Variants in UBE2D4 observed in about 807,000 individuals in gnomAD.
UBE2D4 encodes ubiquitin-conjugating enzyme E2 D4.
Under a neutral mutation model 23.0 loss-of-function variants are expected in UBE2D4, and 17 were observed. That is an observed-to-expected ratio of 0.74 (90% CI 0.51 to 1.11). The LOEUF is 1.11. UBE2D4 is among the 50% of genes least tolerant of loss of function. UBE2D4 has a pLI of 0.00. For synonymous variants in UBE2D4, 61 were observed against 69.4 expected (o/e 0.88, Z 0.60); for missense variants, 139 against 181.8 (o/e 0.76, Z 1.35).
chr7:43,945,776 C>CTTTTTT (rs11339851), intron 4 of UBE2D4, among the ~76,000 whole-genome samples: 11 of 84,194 alleles, frequency 1.3e-4, no homozygotes, highest in East Asian at 7.5e-4. Context: ...GGCAAAATCC[C>CTTTTTT]TTTTTTTTTT....
chr7:43,950,748 C>T, intron 6 of UBE2D4, 56 bp downstream of exon 6: 1 of 1,393,306 alleles, frequency 7.2e-7, no homozygotes. Flanking sequence ...CAGCTCCATG[C>T]AGTACCTGTG....
At chr7:43,948,161 T>C (rs2095992661) in intron 4 of UBE2D4, among the ~76,000 whole-genome samples, 1 of 152,222 alleles carries the variant, frequency 6.6e-6, no homozygotes, top group Admixed American at 6.5e-5. Context: ...ACTCTGATGA[T>C]AGTTTCTTTT....
At position 43,950,661 on chromosome 7, in the gene UBE2D4, A is replaced by G. The variant is rs774721530; in HGVS notation, c.367A>G (p.Ile123Val). Reference sequence around the variant, plus strand: ...CCCCGATGACCCCCTGGTGCCAGAGATAGCACACACCTACAAGGCCGACAG... The same window carrying G: ...CCCCGATGACCCCCTGGTGCCAGAGGTAGCACACACCTACAAGGCCGACAG... ...PNPDDPLVPE[I>V]AHTYKADREK... Residue 123 changes from isoleucine to valine, a missense_variant, in exon 6 of 7, where the codon ATA (isoleucine) becomes GTA (valine). Coordinates refer to ENST00000222402, the MANE Select transcript of UBE2D4 (RefSeq NM_015983.4). 30 of 1,614,046 alleles carry G rather than the reference A, an allele frequency of 1.9e-5. No homozygotes were observed. In the Middle Eastern group the frequency reaches 4.9e-4, roughly 27 times the overall value.
chr7:43,939,456 T>C (rs1210336616), intron 2 of UBE2D4, among the ~76,000 whole-genome samples: 1 of 152,244 alleles, frequency 6.6e-6, no homozygotes, highest in Non-Finnish European at 1.5e-5. Flanking sequence ...TGCCTCCACT[T>C]TGTGGGCTTC....
intron 1 of UBE2D4, among the ~76,000 whole-genome samples, chr7:43,927,582 A>C (rs561752888): frequency 6.6e-6 from 1 of 152,294 alleles, no homozygotes; most frequent in Admixed American, 6.5e-5. Flanking sequence ...CGGGATTACA[A>C]CGTGAGACAC....
At chr7:43,939,857 G>A (rs1329234586) in intron 2 of UBE2D4, among the ~76,000 whole-genome samples, 3 of 152,140 alleles carry the variant, frequency 2.0e-5, no homozygotes, top group Non-Finnish European at 4.4e-5. Context: ...TGAGGCTGAT[G>A]GGGGGTGGAA....
intron 4 of UBE2D4, among the ~76,000 whole-genome samples, chr7:43,945,223 C>G (rs2095983182): frequency 6.6e-6 from 1 of 152,128 alleles, no homozygotes; most frequent in East Asian, 1.9e-4. Flanking sequence ...AAACTCCTGA[C>G]CTCAGGTGAT....
chr7:43,933,120 ATGTGTG>A (rs1325085972), intron 1 of UBE2D4, among the ~76,000 whole-genome samples: 1 of 149,398 alleles, frequency 6.7e-6, no homozygotes, highest in Non-Finnish European at 1.5e-5. Flanking sequence ...ATATACTTAT[ATGTGTG>A]TATATACATA....
At chr7:43,940,808 A>G (rs140914085) in intron 2 of UBE2D4, 48 of 152,374 alleles carry the variant, frequency 3.2e-4, no homozygotes, top group African/African-American at 1.1e-3. Context: ...TTAATAAAGA[A>G]TTCCATTCAC....
At chr7:43,951,538 C>CT (rs111623277) in intron 6 of UBE2D4, among the ~76,000 whole-genome samples, 14,130 of 149,346 alleles carry the variant, frequency 0.095, 828 homozygotes, top group Middle Eastern at 0.16. Context: ...ATGTTTTTCC[C>CT]TTTTTTTTTT....
chr7:43,943,054 C>G lies in UBE2D4; in HGVS notation c.198+23C>G, dbSNP rs746953337. 4.3e-6 allele frequency: 7 copies of G among 1,610,078 alleles called. No homozygotes were observed. The Admixed American group carries it at 1.2e-4, about 27-fold the overall frequency. ...AAGGTGAGGTCCCTCTCCCAACTCC[C>G]CTGATGTTTGGATGAAGGACAGCAT... On this transcript the variant is annotated intron_variant, in intron 4 of 6. Coordinates refer to ENST00000222402, the MANE Select transcript of UBE2D4 (RefSeq NM_015983.4).
chr7:43,937,273 A>G (rs1363784969), intron 1 of UBE2D4, among the ~76,000 whole-genome samples: 1 of 152,212 alleles, frequency 6.6e-6, no homozygotes, highest in African/African-American at 2.4e-5. Flanking sequence ...CAGTGTAGCA[A>G]TGAATATAAA....
At chr7:43,936,047 A>G (rs1420344327) in intron 1 of UBE2D4, among the ~76,000 whole-genome samples, 1 of 152,198 alleles carries the variant, frequency 6.6e-6, no homozygotes, top group East Asian at 1.9e-4. Flanking sequence ...TAAGTTTTGT[A>G]TTTGTAGTAG....
At chr7:43,946,646 T>C (rs1231219659) in intron 4 of UBE2D4, among the ~76,000 whole-genome samples, 1 of 152,212 alleles carries the variant, frequency 6.6e-6, no homozygotes, top group Non-Finnish European at 1.5e-5. Context: ...TCATTCTTTT[T>C]AAACAGGTGT....
intron 4 of UBE2D4, chr7:43,943,501 T>C (rs1209187303): frequency 1.5e-5 from 3 of 198,284 alleles, no homozygotes; most frequent in African/African-American, 7.0e-5. Flanking sequence ...TTCCCTGCAG[T>C]GCACAGGAGA....
intron 1 of UBE2D4, among the ~76,000 whole-genome samples, chr7:43,928,835 G>T (rs1315883443): frequency 6.6e-6 from 1 of 152,122 alleles, no homozygotes; most frequent in African/African-American, 2.4e-5. Flanking sequence ...GGGTAGGAGA[G>T]ATTAAGGAAT....
At chr7:43,940,171 G>C (rs1016040945) in intron 2 of UBE2D4, among the ~76,000 whole-genome samples, 3 of 152,134 alleles carry the variant, frequency 2.0e-5, no homozygotes, top group African/African-American at 7.2e-5. Context: ...GACTCTAAAG[G>C]CTTTATGTGG....
At chr7:43,948,139 G>A (rs1366038965) in intron 4 of UBE2D4, among the ~76,000 whole-genome samples, 4 of 152,048 alleles carry the variant, frequency 2.6e-5, no homozygotes, top group South Asian at 2.1e-4. Context: ...CCATTCTGTC[G>A]GTTGCCTGTT....
chr7:43,955,681 T>G lies in UBE2D4; in HGVS notation c.*2986T>G, dbSNP rs1442914384. The G allele has an allele frequency of 1.3e-5, 2 of 152,124 alleles. No individual in the cohort carries two copies. 9.4% of individuals were successfully genotyped at this position (152,124 alleles called of 1,614,324 possible). A position where few individuals can be genotyped will look rare whatever the true frequency, so the allele number is the denominator to read the frequency against. Reference sequence around the variant, plus strand: ...TGTCTGCAGAATTCCTTTCCTAGGGTCTGTCTCTGGTACCCAAAAGGGCAG... The same window carrying G: ...TGTCTGCAGAATTCCTTTCCTAGGGGCTGTCTCTGGTACCCAAAAGGGCAG... On this transcript the variant is annotated 3_prime_UTR_variant, in exon 7 of 7. Transcript: ENST00000222402.
Sources: gnomAD v4.1 joint callset for allele counts (sites outside exome capture counted in the v4.1 genomes callset) on GRCh38, gnomAD v4.1.1 for gene constraint, MANE v1.5 for transcripts, NCBI Gene and HGNC (gene_info 2026-07-23, HGNC 2026-07-21) for gene names.